Variants in PCDHA10 observed in about 807,000 individuals in gnomAD.
PCDHA10 encodes protocadherin alpha 10.
A neutral mutation model predicts 61.2 loss-of-function variants in PCDHA10; 45 were observed. The ratio of observed to expected loss-of-function variants is 0.74; its 90% CI spans 0.58 to 0.94. The LOEUF is 0.94. Ranked by LOEUF, PCDHA10 falls within the 40% of genes least tolerant of loss-of-function variation. The pLI is 0.00. For synonymous variants in PCDHA10, 602 were observed against 548.8 expected (o/e 1.10, Z -1.35); for missense variants, 1,278 against 1,236.2 (o/e 1.03, Z -0.51).
rs371269236 is a variant in PCDHA10, at chr5:141,009,740, G to A, written c.2650G>A (p.Asp884Asn). Residue 884 changes from aspartate to asparagine, a missense_variant, in exon 4 of 4, where the codon GAC becomes AAC. Asp to Asn is a conservative substitution (Grantham distance 23, BLOSUM62 1). Coordinates refer to ENST00000307360, the MANE Select transcript of PCDHA10 (RefSeq NM_018901.4). ...PKQSGPGELP[D>N]KFIIPGSPAI... ...ACAATCCGGTCCCGGTGAGTTGCCC[G>A]ACAAATTCATTATCCCAGGATCTCC... The A allele has an allele frequency of 1.8e-4, 293 of 1,613,962 alleles. No individual in the cohort carries two copies. Among genetic ancestry groups the A allele is most frequent in the East Asian group, 1.6e-3 (74 of 44,884 alleles).
rs1256665914 is a variant in PCDHA10 at position 140,917,331 on chromosome 5, G to A, written c.2388+58895G>A. On this transcript the variant is annotated intron_variant, in intron 1 of 3. Transcript: ENST00000307360. ...AATTTGGTGTTCATGTGGCGGGGGA[G>A]GGGGGGGATGGTGTAGGCTTCTGTT... Among the ~76,000 whole-genome samples the A allele has an allele frequency of 5.8e-5, 8 of 137,654 alleles. 1 individual carries two copies. The East Asian group carries it at 6.7e-4, about 12-fold the overall frequency. 90.3% of individuals were successfully genotyped at this position (137,654 alleles called of 152,430 possible).
rs782398517 is a variant in PCDHA10, at chr5:140,857,600, G to A, written c.1552G>A (p.Ala518Thr). The A allele has an allele frequency of 5.0e-6, 8 of 1,596,228 alleles. No homozygotes were observed. In the African/African-American group the frequency reaches 9.4e-5, roughly 19 times the overall value. ...SVHAESGKVY[A>T]LQPLDHEELE... ...GCACGCGGAGAGCGGCAAGGTGTAC[G>A]CGCTGCAGCCGCTGGACCACGAGGA... is the stretch of plus-strand genomic sequence containing the variant. The change falls in exon 1 of 4, where the codon GCG (alanine) becomes ACG (threonine). Residue 518 changes from alanine (A) to threonine (T), a missense_variant. By Grantham distance (58) the Ala-to-Thr change is moderately conservative. Transcript: ENST00000307360.
chr5:140,870,987 C>A, intron 1 of PCDHA10: 1 of 1,613,452 alleles, frequency 6.2e-7, no homozygotes, highest in Non-Finnish European at 8.5e-7. Flanking sequence ...TGTACACGGG[C>A]GAGATAAGCA....
In PCDHA10 at chr5:140,857,723, G is replaced by C. The variant is rs782731784; in HGVS notation, c.1675G>C (p.Asp559His). The C allele has an allele frequency of 6.3e-7, 1 of 1,597,514 alleles. No homozygotes were observed. Among genetic ancestry groups the C allele is most frequent in the Non-Finnish European group, 8.6e-7 (1 of 1,167,740 alleles). The change falls in exon 1 of 4, where the codon GAC becomes CAC. Residue 559 changes from aspartate to histidine, a missense_variant. Physicochemically the swap from Asp to His is moderately conservative, Grantham distance 81. Coordinates refer to ENST00000307360, the MANE Select transcript of PCDHA10 (RefSeq NM_018901.4). ...GCAGGTGTTCGTGCTGGACGAGAAC[G>C]ACAACGCTCCCGCGCTGCTGGCGTC... ...TLQVFVLDENDNAPALLASPA... is the reference protein window; with the variant it reads ...TLQVFVLDENHNAPALLASPA...
At chr5:140,924,208 G>T (rs1197265860) in intron 1 of PCDHA10, among the ~76,000 whole-genome samples, 1 of 152,238 alleles carries the variant, frequency 6.6e-6, no homozygotes, top group Non-Finnish European at 1.5e-5. Flanking sequence ...GAAATTTGGT[G>T]AAGAATAAGT....
intron 1 of PCDHA10, among the ~76,000 whole-genome samples, chr5:140,885,515 A>G (rs537252415): frequency 6.6e-6 from 1 of 152,294 alleles, no homozygotes; most frequent in South Asian, 2.1e-4. Context: ...ATGCTGTGCT[A>G]TCATTTCATA....
chr5:140,992,971 T>C (rs1186217726), intron 3 of PCDHA10, among the ~76,000 whole-genome samples: 17 of 152,166 alleles, frequency 1.1e-4, no homozygotes, highest in Admixed American at 1.1e-3. Flanking sequence ...CTGCTGACAA[T>C]GATTAGGCCA....
At chr5:140,894,904 A>G (rs1422978967) in intron 1 of PCDHA10, among the ~76,000 whole-genome samples, 1 of 152,168 alleles carries the variant, frequency 6.6e-6, no homozygotes, top group Non-Finnish European at 1.5e-5. Context: ...TAATTTTCCT[A>G]TCTTTGTTGC....
In PCDHA10 at chr5:141,011,200, A is replaced by C. The variant is rs1242625146; in HGVS notation, c.*1263A>C. 6.5e-6 allele frequency: 1 copy of C among 153,774 alleles called. No individual in the cohort carries two copies. Among genetic ancestry groups the C allele is most frequent in the Non-Finnish European group, 1.5e-5 (1 of 68,036 alleles). The allele number at this position is 153,774 out of a possible 1,614,324, so 9.5% of individuals were successfully genotyped here. ...AATTGAAGAAAAATATTGTTTTCTCATACAGTGAGCAGATTTTTCAATCTA... is the reference window on the plus strand; with the variant it reads ...AATTGAAGAAAAATATTGTTTTCTCCTACAGTGAGCAGATTTTTCAATCTA... On this transcript the variant is annotated 3_prime_UTR_variant, in exon 4 of 4. Transcript: ENST00000307360.
chr5:140,946,631 T>TATATAGATATATATATATATATATACAC (rs57893927), intron 1 of PCDHA10, among the ~76,000 whole-genome samples: 1 of 131,846 alleles, frequency 7.6e-6, no homozygotes, highest in African/African-American at 3.5e-5. Flanking sequence ...TATATATATA[T>TATATAGATATATATATATATATATACAC]ACAATGGAAT....
chr5:140,899,127 C>T (rs1487430888), intron 1 of PCDHA10, among the ~76,000 whole-genome samples: 16 of 152,302 alleles, frequency 1.1e-4, no homozygotes, highest in African/African-American at 3.9e-4. Context: ...ACAATCATGT[C>T]TTCTGCAAAC....
intron 1 of PCDHA10, among the ~76,000 whole-genome samples, chr5:140,960,384 A>G (rs1204813293): frequency 6.6e-6 from 1 of 152,198 alleles, no homozygotes. Flanking sequence ...GTGCCAAGAC[A>G]TTAGGATGCA....
chr5:140,939,903 CT>C (rs1485545948), intron 1 of PCDHA10, among the ~76,000 whole-genome samples: 1 of 152,046 alleles, frequency 6.6e-6, no homozygotes, highest in Non-Finnish European at 1.5e-5. Context: ...ATTCTGCATT[CT>C]TTTTTATTCT....
rs1479921830 is a variant in PCDHA10 at position 140,876,971 on chromosome 5, G to A, written c.2388+18535G>A. The A allele has an allele frequency of 1.9e-6, 3 of 1,612,696 alleles. No homozygotes were observed. In the African/African-American group the frequency reaches 4.0e-5, roughly 22 times the overall value. On this transcript the variant is annotated intron_variant, in intron 1 of 3. Coordinates refer to ENST00000307360, the MANE Select transcript of PCDHA10 (RefSeq NM_018901.4). ...TACTCGCTGGTGGAGCGGCGGGTGG[G>A]CGAGCACGCACTGTCGAGCTACGTG...
At chr5:140,980,149 A>G (rs1287895980) in intron 2 of PCDHA10, among the ~76,000 whole-genome samples, 1 of 152,184 alleles carries the variant, frequency 6.6e-6, no homozygotes, top group East Asian at 1.9e-4. Flanking sequence ...ATTCATGCAT[A>G]TACCAGAATA....
chr5:140,994,637 G>A (rs1355719166), intron 3 of PCDHA10, among the ~76,000 whole-genome samples: 1 of 152,078 alleles, frequency 6.6e-6, no homozygotes, highest in Non-Finnish European at 1.5e-5. Context: ...CCTGGAAGGT[G>A]GAGGTTGCAG....
chr5:140,907,727 C>T (rs2153502591), intron 1 of PCDHA10, among the ~76,000 whole-genome samples: 1 of 152,306 alleles, frequency 6.6e-6, no homozygotes, highest in Admixed American at 6.5e-5. Flanking sequence ...AACCTCCATC[C>T]CTGCCACCAT....
At chr5:140,882,611 C>T in intron 1 of PCDHA10, 1 of 1,614,252 alleles carries the variant, frequency 6.2e-7, no homozygotes, top group Non-Finnish European at 8.5e-7. Context: ...CAGGCCTCTG[C>T]AGGTTTTCCA....
intron 1 of PCDHA10, among the ~76,000 whole-genome samples, chr5:140,964,396 G>A (rs2095829712): frequency 6.6e-6 from 1 of 152,188 alleles, no homozygotes; most frequent in South Asian, 2.1e-4. Flanking sequence ...TTTCTCCCAA[G>A]ACATGACATT....
Sources: allele counts gnomAD v4.1 joint callset (sites outside exome capture counted in the v4.1 genomes callset), GRCh38; gene constraint gnomAD v4.1.1; transcripts MANE v1.5; gene names NCBI Gene and HGNC (gene_info 2026-07-23, HGNC 2026-07-21).